SULF1: variants seen among roughly 807,000 people sequenced by gnomAD.
SULF1 encodes the protein extracellular sulfatase Sulf-1.
A neutral mutation model predicts 110.5 loss-of-function variants in SULF1; 46 were observed. The observed-to-expected ratio is 0.42, with a 90% CI of 0.33 to 0.53. The LOEUF (loss-of-function observed/expected upper bound fraction) is 0.53. Ranked by LOEUF, SULF1 falls within the 20% of genes least tolerant of loss-of-function variation. The probability of loss-of-function intolerance (pLI) is 0.12; values close to 1 mark genes in which losing one functional copy is unlikely to be tolerated. For missense variants in SULF1, 941 were observed against 1,094.2 expected, an observed-to-expected ratio of 0.86 and a Z score of 1.98; for synonymous variants, 371 against 387.1, an observed-to-expected ratio of 0.96 and a Z score of 0.49.
intron 5 of SULF1, among the ~76,000 whole-genome samples, chr8:69,574,402 T>C (rs1563544628): frequency 6.6e-6 from 1 of 152,200 alleles, no homozygotes; most frequent in East Asian, 1.9e-4. Flanking sequence ...AATGATATAC[T>C]TCACCCATCC....
chr8:69,604,939 G>T lies in SULF1; in HGVS notation c.1377+7G>T. On this transcript the variant is annotated splice_region_variant and intron_variant, in intron 13 of 22. Coordinates refer to ENST00000402687, the MANE Select transcript of SULF1 (RefSeq NM_001128205.2). ...CTGTGAACAACCGGGGCAGGTGAGT[G>T]ACGCAGGCTTTCTTTACCACCACTC... The T allele has an allele frequency of 6.2e-7, 1 of 1,613,534 alleles. No homozygotes were observed. The highest frequency in any genetic ancestry group is 1.1e-5 in the South Asian group (1 of 90,986).
chr8:69,641,034 T>C, intron 22 of SULF1, 193 bp downstream of exon 22: 1 of 466,962 alleles, frequency 2.1e-6, no homozygotes. Context: ...ATCAGCTCAC[T>C]GTCCCATCAA....
intron 6 of SULF1, among the ~76,000 whole-genome samples, chr8:69,580,168 A>C (rs1805962527): frequency 6.6e-6 from 1 of 152,154 alleles, no homozygotes; most frequent in African/African-American, 2.4e-5. Context: ...TACTCATGGA[A>C]AATATGAGTC....
intron 22 of SULF1, among the ~76,000 whole-genome samples, chr8:69,643,807 A>T (rs542842523): frequency 6.6e-6 from 1 of 152,334 alleles, no homozygotes; most frequent in South Asian, 2.1e-4. Context: ...CACAGCTCAG[A>T]AGGTGGCACT....
intron 19 of SULF1, among the ~76,000 whole-genome samples, chr8:69,630,101 CT>C (rs1810401124): frequency 6.6e-6 from 1 of 152,168 alleles, no homozygotes; most frequent in Non-Finnish European, 1.5e-5. Flanking sequence ...TGGTAAAAGC[CT>C]CTTAAATGCA....
At chr8:69,501,432 T>C (rs1810790746) in intron 2 of SULF1, among the ~76,000 whole-genome samples, 1 of 152,242 alleles carries the variant, frequency 6.6e-6, no homozygotes, top group Admixed American at 6.5e-5. Context: ...ATGCTTACTT[T>C]GCTAGTCATC....
At chr8:69,649,295 T>TC (rs1405634573) in intron 22 of SULF1, among the ~76,000 whole-genome samples, 5 of 152,244 alleles carry the variant, frequency 3.3e-5, no homozygotes, top group Non-Finnish European at 5.9e-5. Context: ...ACCTTTTTTT[T>TC]CTGAATCATT....
chr8:69,518,494 G>A (rs917507642), intron 3 of SULF1, among the ~76,000 whole-genome samples: 3 of 152,068 alleles, frequency 2.0e-5, no homozygotes, highest in Non-Finnish European at 2.9e-5. Flanking sequence ...CCTAGATTTT[G>A]TTTTCTTATT....
rs147181799 is a variant in SULF1 at position 69,626,941 on chromosome 8, G to T, written c.1851-269G>T. ...CCCACAGTGCAGCAGCGGGCCGAAG[G>T]GCTCCTCAAGTGCCGCCAAAGTGGG... On this transcript the variant is annotated intron_variant, in intron 15 of 22. Transcript: ENST00000402687. 3.1e-4 allele frequency among the ~76,000 whole-genome samples: 47 copies of T among 152,362 alleles called. 1 individual carries two copies. In the East Asian group the frequency reaches 8.5e-3, roughly 28 times the overall value.
At chr8:69,632,322 A>T (rs927446639) in intron 19 of SULF1, among the ~76,000 whole-genome samples, 39 of 152,208 alleles carry the variant, frequency 2.6e-4, no homozygotes, top group Admixed American at 1.8e-3. Flanking sequence ...CCACAGTAAA[A>T]AAATGCACCT....
intron 3 of SULF1, among the ~76,000 whole-genome samples, chr8:69,521,774 T>A (rs905244726): frequency 6.6e-6 from 1 of 150,908 alleles, no homozygotes; most frequent in Non-Finnish European, 1.5e-5. Context: ...CATTCCAACT[T>A]ACAAGAATAT....
In SULF1 at chr8:69,658,983, G is replaced by C. The variant is rs114581461; in HGVS notation, c.*448G>C. On this transcript the variant is annotated 3_prime_UTR_variant, in exon 23 of 23. Transcript: ENST00000402687. ...ACTGGAGAAAAACCGAAAAATGGAC[G>C]GGGCATGAAGAGACTAATCATCTGG... 1.4e-3 allele frequency: 636 copies of C among 457,662 alleles called. No homozygotes were observed. The highest frequency in any genetic ancestry group is 0.012 in the African/African-American group (597 of 50,214). The allele number at this position is 457,662 out of a possible 1,614,324, so 28.4% of individuals were successfully genotyped here.
At chr8:69,657,194 G>T (rs1192235717) in intron 22 of SULF1, among the ~76,000 whole-genome samples, 1 of 152,050 alleles carries the variant, frequency 6.6e-6, no homozygotes, top group African/African-American at 2.4e-5. Context: ...ATTATTATTT[G>T]GGAGTGAAAG....
intron 1 of SULF1, among the ~76,000 whole-genome samples, chr8:69,481,115 C>T (rs971875726): frequency 6.6e-6 from 1 of 152,032 alleles, no homozygotes; most frequent in Admixed American, 6.6e-5. Context: ...TTGTAAGTAT[C>T]TCAAGAAAGC....
At chr8:69,624,785 G>A (rs1162156142) in intron 15 of SULF1, among the ~76,000 whole-genome samples, 1 of 152,224 alleles carries the variant, frequency 6.6e-6, no homozygotes, top group Non-Finnish European at 1.5e-5. Context: ...GGACAGGGAA[G>A]GCAGATGATT....
intron 6 of SULF1, 100 bp downstream of exon 6, chr8:69,576,309 TA>T: frequency 2.9e-6 from 4 of 1,384,402 alleles, no homozygotes; most frequent in Admixed American, 2.2e-5. Context: ...AACAAATACC[TA>T]AAAAAGGATC....
intron 3 of SULF1, among the ~76,000 whole-genome samples, chr8:69,558,295 A>G (rs1294751155): frequency 6.6e-6 from 1 of 152,160 alleles, no homozygotes; most frequent in African/African-American, 2.4e-5. Flanking sequence ...TCTGACAATA[A>G]TCTAAGCGTG....
chr8:69,542,262 G>A (rs1341436245), intron 3 of SULF1, among the ~76,000 whole-genome samples: 1 of 152,084 alleles, frequency 6.6e-6, no homozygotes, highest in African/African-American at 2.4e-5. Flanking sequence ...TTAAATATGT[G>A]GTTATGATGG....
At chr8:69,595,808 C>T (rs570543053) in intron 8 of SULF1, among the ~76,000 whole-genome samples, 10 of 152,094 alleles carry the variant, frequency 6.6e-5, no homozygotes, top group Non-Finnish European at 1.3e-4. Flanking sequence ...CAAAGGCCAT[C>T]GACATTAAAA....
Sources: gnomAD v4.1 joint callset for allele counts (sites outside exome capture counted in the v4.1 genomes callset) on GRCh38, gnomAD v4.1.1 for gene constraint, MANE v1.5 for transcripts, NCBI Gene and HGNC (gene_info 2026-07-23, HGNC 2026-07-21) for gene names.